Variants in CASP5 observed in about 807,000 individuals in gnomAD.
CASP5 encodes the protein caspase-5.
Under a neutral mutation model 45.2 loss-of-function variants are expected in CASP5, and 42 were observed. The ratio of observed to expected loss-of-function variants is 0.93; its 90% CI spans 0.73 to 1.20. CASP5 has a LOEUF of 1.20. CASP5 is among the 50% of genes most tolerant of loss of function. The probability of loss-of-function intolerance (pLI) is 0.00; values close to 1 mark genes in which losing one functional copy is unlikely to be tolerated. For missense variants in CASP5, 512 were observed against 532.2 expected, an observed-to-expected ratio of 0.96 and a Z score of 0.37; for synonymous variants, 209 against 186.2, an observed-to-expected ratio of 1.12 and a Z score of -1.00.
chr11:105,003,473 T>A, intron 3 of CASP5, 90 bp from the exon 4 acceptor site: 1 of 683,084 alleles, frequency 1.5e-6, no homozygotes, highest in Non-Finnish European at 2.5e-6. Context: ...GAGAGAGAAA[T>A]CCTAGGAAAA....
At chr11:105,010,744 A>AATAATAAT in intron 1 of CASP5, among the ~76,000 whole-genome samples, 1 of 151,714 alleles carries the variant, frequency 6.6e-6, no homozygotes, top group Non-Finnish European at 1.5e-5. Context: ...GGCTTTCAGT[A>AATAATAAT]ATAATAATAT....
intron 1 of CASP5, among the ~76,000 whole-genome samples, chr11:105,015,715 C>T (rs1862554910): frequency 1.3e-5 from 2 of 151,702 alleles, no homozygotes; most frequent in Non-Finnish European, 2.9e-5. Flanking sequence ...TGACTTACTC[C>T]TCCCTGGCCA....
At chr11:105,022,172 AG>A (rs1244051000) in intron 1 of CASP5, among the ~76,000 whole-genome samples, 10 of 93,104 alleles carry the variant, frequency 1.1e-4, no homozygotes, top group Non-Finnish European at 1.6e-4. Context: ...GGGTGGGGGG[AG>A]GGGGGAGGGA....
At chr11:105,003,178 C>T (rs1861827067) in intron 4 of CASP5, 96 bp downstream of exon 4, 2 of 795,498 alleles carry the variant, frequency 2.5e-6, no homozygotes, top group Non-Finnish European at 4.3e-6. Context: ...CCAGGCTGGG[C>T]AACAGAGCAA....
At position 105,001,891 on chromosome 11, in the gene CASP5, C is replaced by T. The variant is rs1435832598; in HGVS notation, c.717+137G>A. On this transcript the variant is annotated intron_variant, in intron 5 of 9. Transcript: ENST00000260315. ...ATAATTTCATTTGCTAGTGCATGTG[C>T]GCATGTACACACACACACACACACG... 1.0e-5 allele frequency: 7 copies of T among 695,392 alleles called. No homozygotes were observed. The East Asian group carries it at 1.1e-4, about 11-fold the overall frequency. The allele number at this position is 695,392 out of a possible 1,614,324, so 43.1% of individuals were successfully genotyped here.
At chr11:105,007,637 C>A (rs891451398) in intron 2 of CASP5, among the ~76,000 whole-genome samples, 1 of 152,014 alleles carries the variant, frequency 6.6e-6, no homozygotes, top group Non-Finnish European at 1.5e-5. Context: ...ATTTCTCTTT[C>A]TCTTGCTCAC....
intron 1 of CASP5, among the ~76,000 whole-genome samples, chr11:105,020,469 CA>C (rs1234170318): frequency 6.7e-6 from 1 of 148,276 alleles, no homozygotes; most frequent in Non-Finnish European, 1.5e-5. Flanking sequence ...TCTCAGGATA[CA>C]AAATCAATGT....
intron 1 of CASP5, among the ~76,000 whole-genome samples, chr11:105,017,761 A>G (rs1365110354): frequency 1.3e-5 from 2 of 152,178 alleles, no homozygotes; most frequent in African/African-American, 4.8e-5. Context: ...AACTTCCCCA[A>G]TATAGCAAGG....
At chr11:105,001,482 A>C (rs530561076) in intron 5 of CASP5, among the ~76,000 whole-genome samples, 2 of 152,112 alleles carry the variant, frequency 1.3e-5, no homozygotes, top group East Asian at 1.9e-4. Context: ...CTGGCTAACA[A>C]GGTGAAACCT....
Position 105,023,149 on chromosome 11 carries a change from C to T in CASP5, c.-13G>A, listed in dbSNP as rs41462946. 7.3e-4 allele frequency: 1,137 copies of T among 1,551,136 alleles called. 5 individuals are homozygous for T. In the African/African-American group the frequency reaches 9.9e-3, roughly 13 times the overall value. ...ACTCACCAGCCATAGCTAACAGCCT[C>T]TGTCTCTTTGTACAGCACTGGAAAG... On this transcript the variant is annotated 5_prime_UTR_variant, in exon 1 of 10. Transcript: ENST00000260315.
Position 105,000,343 on chromosome 11 carries a change from G to T in CASP5, c.870C>A (p.Thr290=). The change falls in exon 6 of 10, where the codon ACC becomes ACA. Residue 290 remains threonine (T), a synonymous_variant. Coordinates refer to ENST00000260315, the MANE Select transcript of CASP5 (RefSeq NM_004347.5). ...KKKPDVLLYD[T]IFQIFNNRNC... ...TGCGGTTGTTGAATATCTGGAAGAT[G>T]GTGTCATAAAGCAGCACATCCGGTT... is the stretch of plus-strand genomic sequence containing the variant. The T allele has an allele frequency of 6.2e-7, 1 of 1,614,192 alleles. No individual in the cohort carries two copies. The highest frequency in any genetic ancestry group is 8.5e-7 in the Non-Finnish European group (1 of 1,180,022).
rs371986422 is a variant in CASP5, at chr11:104,997,519, T to C, written c.1097-27A>G. The stretch of plus-strand genomic sequence containing the variant: ...TATGATGATACAGCCTGGTATGCCT[T>C]GGGCTACGACTTTCACTATGTTTTT... On this transcript the variant is annotated intron_variant, in intron 7 of 9. Coordinates refer to ENST00000260315, the MANE Select transcript of CASP5 (RefSeq NM_004347.5). The C allele has an allele frequency of 2.1e-6, 3 of 1,410,136 alleles. No individual in the cohort carries two copies. In the African/African-American group the frequency reaches 4.3e-5, roughly 20 times the overall value. The allele number at this position is 1,410,136 out of a possible 1,614,324, so 87.4% of individuals were successfully genotyped here.
rs528960083 is a variant in CASP5 at position 105,006,825 on chromosome 11, A to G, written c.433+258T>C. Among the ~76,000 whole-genome samples the G allele has an allele frequency of 3.3e-5, 5 of 152,310 alleles. No homozygotes were observed. In the South Asian group the frequency reaches 1.0e-3, roughly 32 times the overall value. On this transcript the variant is annotated intron_variant, in intron 3 of 9. Transcript: ENST00000260315. ...ACAGAATCTAAGTTTGGGTTTAGGT[A>G]TCTCCTACTAAAAAATCTCCCTTAT...
intron 1 of CASP5, among the ~76,000 whole-genome samples, chr11:105,019,041 G>C (rs1322238218): frequency 7.0e-6 from 1 of 142,394 alleles, no homozygotes; most frequent in African/African-American, 2.5e-5. Context: ...TGAACAACCT[G>C]CTCCTGAATG....
At position 105,002,267 on chromosome 11, in the gene CASP5, C is replaced by A. The variant is rs551711693; in HGVS notation, c.544-66G>T. 24 of 1,516,104 alleles carry A rather than the reference C, an allele frequency of 1.6e-5. No individual in the cohort carries two copies. In the African/African-American group the frequency reaches 3.1e-4, roughly 19 times the overall value. The allele number at this position is 1,516,104 out of a possible 1,614,324, so 93.9% of individuals were successfully genotyped here. ...CTCTTTTCAACCCCCATATGCCTCA[C>A]AATTTTGCTTTTTTAAGACCTCATG... is the stretch of plus-strand genomic sequence containing the variant. On this transcript the variant is annotated intron_variant, in intron 4 of 9. Coordinates refer to ENST00000260315, the MANE Select transcript of CASP5 (RefSeq NM_004347.5).
At chr11:105,000,552 C>A in intron 5 of CASP5, 57 bp from the exon 6 acceptor site, 1 of 1,471,668 alleles carries the variant, frequency 6.8e-7, no homozygotes, top group Non-Finnish European at 9.5e-7. Context: ...AATAGGACCT[C>A]CTAGATTTAC....
At chr11:105,011,519 G>T (rs1043033185) in intron 1 of CASP5, among the ~76,000 whole-genome samples, 1 of 151,604 alleles carries the variant, frequency 6.6e-6, no homozygotes, top group Non-Finnish European at 1.5e-5. Context: ...TCCTGTTTAT[G>T]AATGACATGA....
In CASP5 at chr11:104,997,507, C is replaced by A; in HGVS notation, c.1097-15G>T. Reference sequence around the variant, plus strand: ...GGACACGTTATCTATGATGATACAGCCTGGTATGCCTTGGGCTACGACTTT... The same window carrying A: ...GGACACGTTATCTATGATGATACAGACTGGTATGCCTTGGGCTACGACTTT... On this transcript the variant is annotated splice_polypyrimidine_tract_variant and intron_variant, in intron 7 of 9. Transcript: ENST00000260315. 1 of 1,519,304 alleles carries A rather than the reference C, an allele frequency of 6.6e-7. No homozygotes were observed. The highest frequency in any genetic ancestry group is 9.1e-7 in the Non-Finnish European group (1 of 1,098,444). 94.1% of individuals were successfully genotyped at this position (1,519,304 alleles called of 1,614,324 possible).
chr11:105,009,714 T>TACACAC (rs367820511), intron 1 of CASP5, among the ~76,000 whole-genome samples: 4,798 of 70,732 alleles, frequency 0.068, 198 homozygotes, highest in Admixed American at 0.093. Flanking sequence ...GATATATATA[T>TACACAC]ACACACATAT....
Sources: gnomAD v4.1 joint callset for allele counts (sites outside exome capture counted in the v4.1 genomes callset) on GRCh38, gnomAD v4.1.1 for gene constraint, MANE v1.5 for transcripts, NCBI Gene and HGNC (gene_info 2026-07-23, HGNC 2026-07-21) for gene names.